NR1D2: variants seen among roughly 807,000 people sequenced by gnomAD.
NR1D2 encodes nuclear receptor subfamily 1 group D member 2, also known as V-erbA-related protein 1-related.
NR1D2 carries 25 observed loss-of-function variants against 52.2 expected under a neutral mutation model. That is an observed-to-expected ratio of 0.48 (90% CI 0.35 to 0.67). The LOEUF (loss-of-function observed/expected upper bound fraction) is 0.67. Among genes scored for constraint, NR1D2 ranks in the 30% least tolerant of loss-of-function variants. The pLI is 0.01. For synonymous variants in NR1D2, 259 were observed against 230.1 expected (o/e 1.13, Z -1.14); for missense variants, 681 against 707.2 (o/e 0.96, Z 0.42).
chr3:23,948,135 C>G (rs952250349), intron 1 of NR1D2, among the ~76,000 whole-genome samples: 6 of 151,660 alleles, frequency 4.0e-5, no homozygotes, highest in Admixed American at 2.0e-4. Context: ...AAAAAAAAGC[C>G]TTTTAACTTT....
At chr3:23,970,254 A>G (rs1205462545) in intron 7 of NR1D2, among the ~76,000 whole-genome samples, 1 of 152,180 alleles carries the variant, frequency 6.6e-6, no homozygotes, top group East Asian at 1.9e-4. Context: ...AAATTAAGGC[A>G]GGTGAGATGA....
At chr3:23,967,023 C>CAATAAATA (rs561047724) in intron 6 of NR1D2, among the ~76,000 whole-genome samples, 3 of 151,580 alleles carry the variant, frequency 2.0e-5, no homozygotes, top group African/African-American at 7.3e-5. Context: ...GACCCTGTCT[C>CAATAAATA]AATAAATAAA....
At chr3:23,949,864 A>G (rs1425119152) in intron 1 of NR1D2, among the ~76,000 whole-genome samples, 1 of 152,248 alleles carries the variant, frequency 6.6e-6, no homozygotes, top group Non-Finnish European at 1.5e-5. Flanking sequence ...GGACAAGTGT[A>G]GAAAATGGGT....
intron 4 of NR1D2, among the ~76,000 whole-genome samples, chr3:23,961,051 A>C (rs896419219): frequency 6.6e-6 from 1 of 152,208 alleles, no homozygotes; most frequent in East Asian, 1.9e-4. Context: ...TTTTAATTAA[A>C]ATCTACCAAG....
chr3:23,965,676 TTATA>T (rs754772757), intron 6 of NR1D2, among the ~76,000 whole-genome samples: 1 of 151,454 alleles, frequency 6.6e-6, no homozygotes, highest in South Asian at 2.1e-4. Context: ...GTTTAGGATT[TTATA>T]TATATTTTTT....
chr3:23,969,845 G>A (rs1356915939), intron 7 of NR1D2, among the ~76,000 whole-genome samples: 1 of 152,182 alleles, frequency 6.6e-6, no homozygotes, highest in African/African-American at 2.4e-5. Flanking sequence ...TAGAAGTGGA[G>A]CTGGAATTTG....
chr3:23,956,731 T>G (rs1706089904), intron 3 of NR1D2, among the ~76,000 whole-genome samples: 1 of 152,216 alleles, frequency 6.6e-6, no homozygotes, highest in South Asian at 2.1e-4. Flanking sequence ...GTCAAATAAT[T>G]CCAAGTGAGA....
At chr3:23,964,412 C>T (rs1038437260) in intron 5 of NR1D2, among the ~76,000 whole-genome samples, 3 of 152,098 alleles carry the variant, frequency 2.0e-5, no homozygotes, top group African/African-American at 7.2e-5. Context: ...AATGAGGCAC[C>T]TTGCTGTTTT....
chr3:23,956,538 A>G (rs1176370153), intron 3 of NR1D2, among the ~76,000 whole-genome samples: 1 of 152,174 alleles, frequency 6.6e-6, no homozygotes, highest in East Asian at 1.9e-4. Flanking sequence ...ATATACTTTG[A>G]CTTAATGACA....
At chr3:23,953,050 A>G (rs192544161) in intron 1 of NR1D2, among the ~76,000 whole-genome samples, 49 of 151,388 alleles carry the variant, frequency 3.2e-4, no homozygotes, top group Admixed American at 8.5e-4. Context: ...TTTAAAAATG[A>G]TTGATAGGCC....
chr3:23,977,236 A>G lies in NR1D2; in HGVS notation c.1557A>G (p.Ile519Met). ...GATCTCTCTTAGATCGATCTGGAAT[A>G]GAAAACGTCAACTCTGTGGAGGCTT... ...VVLVSADRSG[I>M]ENVNSVEALQ... The change falls in exon 8 of 8, where the codon ATA becomes ATG. Residue 519 changes from isoleucine to methionine, a missense_variant. By Grantham distance (10) the Ile-to-Met change is conservative (BLOSUM62 1). Around this residue, in one of 3 missense-constraint regions of NR1D2, gnomAD observed 475 missense variants for 454.5 expected, o/e 1.05. Transcript: ENST00000312521. The G allele has an allele frequency of 6.3e-7, 1 of 1,589,582 alleles. No individual in the cohort carries two copies. Among genetic ancestry groups the G allele is most frequent in the South Asian group, 1.1e-5 (1 of 87,190 alleles).
intron 3 of NR1D2, among the ~76,000 whole-genome samples, chr3:23,957,721 C>T: frequency 6.7e-6 from 1 of 148,934 alleles, no homozygotes; most frequent in East Asian, 2.0e-4. Flanking sequence ...CAGATTCCGT[C>T]TCAAAAAAAA....
intron 1 of NR1D2, among the ~76,000 whole-genome samples, chr3:23,946,747 A>G (rs796837836): frequency 1.3e-5 from 2 of 152,304 alleles, no homozygotes; most frequent in South Asian, 4.1e-4. Flanking sequence ...CTTTTCCTGA[A>G]TCTGATCAAG....
rs142863637 is a variant in NR1D2 at position 23,977,292 on chromosome 3, C to A, written c.1613C>A (p.Thr538Asn). The A allele has an allele frequency of 1.2e-4, 198 of 1,613,142 alleles. No individual in the cohort carries two copies. Among genetic ancestry groups the A allele is most frequent in the Non-Finnish European group, 1.6e-4 (189 of 1,179,528 alleles). The change falls in exon 8 of 8, where the codon ACC (threonine) becomes AAC (asparagine). Residue 538 changes from threonine (T) to asparagine (N), a missense_variant. By Grantham distance (65) the Thr-to-Asn change is moderately conservative (BLOSUM62 0). Coordinates refer to ENST00000312521, the MANE Select transcript of NR1D2 (RefSeq NM_005126.5). The stretch of plus-strand genomic sequence containing the variant: ...GAAACTCTCATTCGTGCACTAAGGA[C>A]CTTAATAATGAAAAACCATCCAAAT... ...LQETLIRALR[T>N]LIMKNHPNEA...
Position 23,962,417 on chromosome 3 carries a change from G to A in NR1D2, c.958G>A (p.Gly320Arg), listed in dbSNP as rs182611259. 2 of 1,614,084 alleles carry A rather than the reference G, an allele frequency of 1.2e-6. No individual in the cohort carries two copies. Among genetic ancestry groups the A allele is most frequent in the Admixed American group, 3.3e-5 (2 of 60,018 alleles). The part of the protein sequence containing the change: ...PCSESQQHLN[G>R]QFKGRNIMHY... ...TAGTGAGAGCCAGCAGCATCTCAAT[G>A]GACAGTTCAAAGGGAGGAATATAAT... Residue 320 changes from glycine to arginine, a missense_variant, in exon 5 of 8, where the codon GGA (glycine) becomes AGA (arginine). Gly to Arg is a moderately radical substitution (Grantham distance 125). This residue lies in a region of NR1D2 where 475 missense variants were observed against 454.5 expected (regional missense o/e 1.05). Coordinates refer to ENST00000312521, the MANE Select transcript of NR1D2 (RefSeq NM_005126.5).
Position 23,962,003 on chromosome 3 carries a change from C to A in NR1D2, c.544C>A (p.Arg182Ser). Residue 182 changes from arginine (R) to serine (S), a missense_variant, in exon 5 of 8, where the codon CGT (arginine) becomes AGT (serine). By Grantham distance (110) the Arg-to-Ser change is moderately radical (BLOSUM62 -1). This residue lies in a region of NR1D2 where 112 missense variants were observed against 162.3 expected (regional missense o/e 0.69). Coordinates refer to ENST00000312521, the MANE Select transcript of NR1D2 (RefSeq NM_005126.5). ...DAVRFGRIPK[R>S]EKQRMLIEMQ... ...TGTTCGGTTTGGTCGTATTCCTAAG[C>A]GTGAAAAACAGAGGATGCTAATTGA... 2 of 1,610,376 alleles carry A rather than the reference C, an allele frequency of 1.2e-6. No individual in the cohort carries two copies. The highest frequency in any genetic ancestry group is 1.1e-5 in the South Asian group (1 of 90,782).
intron 1 of NR1D2, among the ~76,000 whole-genome samples, chr3:23,947,790 GCTAT>G (rs1705792748): frequency 6.6e-6 from 1 of 150,760 alleles, no homozygotes; most frequent in Non-Finnish European, 1.5e-5. Flanking sequence ...TACAGTTTCT[GCTAT>G]CTATCAGTAA....
At chr3:23,959,550 T>G in intron 3 of NR1D2, 121 bp from the exon 4 acceptor site, 1 of 818,100 alleles carries the variant, frequency 1.2e-6, no homozygotes, top group Non-Finnish European at 1.9e-6. Context: ...GTTTCCCAGA[T>G]AGTGAGTCAT....
At chr3:23,966,271 A>G (rs567512313) in intron 6 of NR1D2, among the ~76,000 whole-genome samples, 3 of 152,354 alleles carry the variant, frequency 2.0e-5, no homozygotes, top group Non-Finnish European at 2.9e-5. Flanking sequence ...TGGATTTATT[A>G]TAACGGAGGG....
Sources: gnomAD v4.1 joint callset for allele counts (sites outside exome capture counted in the v4.1 genomes callset) on GRCh38, gnomAD v4.1.1 for gene constraint, gnomAD v4.1.1 regional missense constraint, MANE v1.5 for transcripts, NCBI Gene and HGNC (gene_info 2026-07-23, HGNC 2026-07-21) for gene names.